Variants in CDH4 observed in about 807,000 individuals in gnomAD.
CDH4 encodes cadherin 4, also known as cadherin-4.
In CDH4, 33 loss-of-function variants were observed where a neutral mutation model predicts 86.0. The ratio of observed to expected loss-of-function variants is 0.38; its 90% CI spans 0.29 to 0.51. The LOEUF (loss-of-function observed/expected upper bound fraction) is 0.51, where lower values mean the gene tolerates loss of function less well. CDH4 is among the 20% of genes least tolerant of loss of function. CDH4 has a pLI of 0.86. For synonymous variants in CDH4, 555 were observed against 549.4 expected, an observed-to-expected ratio of 1.01 and a Z score of -0.14; for missense variants, 1,114 against 1,307.4, an observed-to-expected ratio of 0.85 and a Z score of 2.28.
rs1211574861 is a variant in CDH4, at chr20:61,807,601, G to C, written c.576+34419G>C. Among the ~76,000 whole-genome samples the C allele has an allele frequency of 6.6e-6, 1 of 152,188 alleles. No individual in the cohort carries two copies. The highest frequency in any genetic ancestry group is 1.5e-5 in the Non-Finnish European group (1 of 68,032). ...AGGGCAGGTGTTCCGTGCAGGGCTG[G>C]TTGGTGTGAGGCCAGCCACAGAGTG... On this transcript the variant is annotated intron_variant, in intron 4 of 15. Transcript: ENST00000614565. The surrounding 1 kb of genome is among the most constrained non-coding windows in gnomAD (Gnocchi z 4.5).
At chr20:61,798,598 C>A (rs1355961682) in intron 4 of CDH4, among the ~76,000 whole-genome samples, 3 of 152,218 alleles carry the variant, frequency 2.0e-5, no homozygotes. Flanking sequence ...ACCACATGGA[C>A]AAATGCCACC....
At chr20:61,308,622 G>A (rs762881954) in intron 2 of CDH4, among the ~76,000 whole-genome samples, 4 of 152,176 alleles carry the variant, frequency 2.6e-5, no homozygotes, top group Admixed American at 2.0e-4. Flanking sequence ...AGGAGCACCG[G>A]GGCTTACTGT....
intron 4 of CDH4, among the ~76,000 whole-genome samples, chr20:61,778,275 C>A (rs1487791293): frequency 6.6e-6 from 1 of 152,172 alleles, no homozygotes; most frequent in Non-Finnish European, 1.5e-5. Context: ...GGGCGGCAAG[C>A]TGAGCACAGA....
At chr20:61,349,504 C>T (rs1207532500) in intron 2 of CDH4, among the ~76,000 whole-genome samples, 3 of 152,176 alleles carry the variant, frequency 2.0e-5, no homozygotes, top group Non-Finnish European at 2.9e-5. Context: ...TGCAGGTGCC[C>T]GGGAAGGGTG....
At chr20:61,719,041 C>G (rs758438635) in intron 2 of CDH4, 1 of 471,064 alleles carries the variant, frequency 2.1e-6, no homozygotes, top group Non-Finnish European at 4.4e-6. Context: ...AGAGAAGGAC[C>G]CTCCCTGGCC....
At chr20:61,336,039 A>G (rs1052646236) in intron 2 of CDH4, among the ~76,000 whole-genome samples, 2 of 152,166 alleles carry the variant, frequency 1.3e-5, no homozygotes, top group Admixed American at 6.5e-5. Context: ...TTTTGTCATT[A>G]TCCAGCTTGT....
chr20:61,348,331 A>G (rs2084691344), intron 2 of CDH4, among the ~76,000 whole-genome samples: 1 of 152,158 alleles, frequency 6.6e-6, no homozygotes, highest in Non-Finnish European at 1.5e-5. Flanking sequence ...CGCTATCACG[A>G]GAACAGCACG....
At chr20:61,372,410 C>T (rs1263755896) in intron 2 of CDH4, among the ~76,000 whole-genome samples, 2 of 152,244 alleles carry the variant, frequency 1.3e-5, no homozygotes, top group Admixed American at 6.5e-5. Flanking sequence ...CGTGCAGCAC[C>T]GCCCTGCTGA....
chr20:61,934,941 ACT>A (rs1318610287), intron 15 of CDH4, among the ~76,000 whole-genome samples: 1 of 152,180 alleles, frequency 6.6e-6, no homozygotes, highest in Non-Finnish European at 1.5e-5. Context: ...CCAGGGCAAC[ACT>A]CAGTTTCCAC....
chr20:61,876,322 T>C, intron 7 of CDH4, among the ~76,000 whole-genome samples: 1 of 152,170 alleles, frequency 6.6e-6, no homozygotes, highest in African/African-American at 2.4e-5. Context: ...GGAGATCCGA[T>C]GGGGCCTCGC....
At chr20:61,303,778 C>T (rs1484062987) in intron 2 of CDH4, among the ~76,000 whole-genome samples, 7 of 152,206 alleles carry the variant, frequency 4.6e-5, no homozygotes. Flanking sequence ...CACCCCCAGG[C>T]CCGGGACACG....
Position 61,640,423 on chromosome 20 carries a change from C to T in CDH4, c.170-103140C>T, listed in dbSNP as rs551230600. Among the ~76,000 whole-genome samples, 5 of 152,328 alleles carry T rather than the reference C, an allele frequency of 3.3e-5. No individual in the cohort carries two copies. In the East Asian group the frequency reaches 9.6e-4, roughly 29 times the overall value. On this transcript the variant is annotated intron_variant, in intron 2 of 15. Transcript: ENST00000614565. ...CAGAAGACAAGCATGCAAGTAGACA[C>T]ATTTTCCGAGTGTAGACCAACCACC...
At chr20:61,577,837 T>C (rs2086395093) in intron 2 of CDH4, among the ~76,000 whole-genome samples, 1 of 152,300 alleles carries the variant, frequency 6.6e-6, no homozygotes, top group Non-Finnish European at 1.5e-5. Flanking sequence ...ATAATGAACA[T>C]TTCTGATCCC....
intron 12 of CDH4, among the ~76,000 whole-genome samples, chr20:61,929,260 C>T (rs934747999): frequency 1.3e-5 from 2 of 152,088 alleles, no homozygotes; most frequent in Non-Finnish European, 2.9e-5. Context: ...ACCTCAGGCT[C>T]CCAAGTAGCT....
intron 4 of CDH4, among the ~76,000 whole-genome samples, chr20:61,806,078 G>T (rs930001931): frequency 6.6e-6 from 1 of 152,218 alleles, no homozygotes; most frequent in Non-Finnish European, 1.5e-5. Context: ...GTGGTTCGGG[G>T]CACATTTAGA....
chr20:61,573,561 G>A (rs149739649), intron 2 of CDH4, among the ~76,000 whole-genome samples: 1 of 152,162 alleles, frequency 6.6e-6, no homozygotes. Context: ...AGGGGGTCGT[G>A]TCCCACAGTC....
At chr20:61,539,898 G>A (rs978813562) in intron 2 of CDH4, among the ~76,000 whole-genome samples, 4 of 152,090 alleles carry the variant, frequency 2.6e-5, no homozygotes, top group Non-Finnish European at 5.9e-5. Flanking sequence ...CACAGGATTT[G>A]AAAGAGAGTG....
intron 4 of CDH4, among the ~76,000 whole-genome samples, chr20:61,818,065 T>A (rs1028167072): frequency 2.6e-5 from 4 of 152,130 alleles, no homozygotes; most frequent in African/African-American, 9.7e-5. Flanking sequence ...AGTCTCGCTC[T>A]GTCACCCAGG....
intron 2 of CDH4, among the ~76,000 whole-genome samples, chr20:61,550,210 GTTTCC>G (rs2086118950): frequency 3.0e-5 from 4 of 134,820 alleles, no homozygotes; most frequent in Admixed American, 2.2e-4. Flanking sequence ...TCCCTAGCCT[GTTTCC>G]CTGGCCTCCC....
Sources: allele counts gnomAD v4.1 joint callset (sites outside exome capture counted in the v4.1 genomes callset), GRCh38; gene constraint gnomAD v4.1.1; non-coding constraint Gnocchi (gnomAD v3.1); transcripts MANE v1.5; gene names NCBI Gene and HGNC (gene_info 2026-07-23, HGNC 2026-07-21).